The following PALB2 variants were observed in gnomAD, a reference collection of about 807,000 sequenced individuals.
The protein encoded by PALB2 is partner and localizer of BRCA2.
PALB2 carries 82 observed loss-of-function variants against 107.4 expected under a neutral mutation model. The ratio of observed to expected loss-of-function variants is 0.76; its 90% CI spans 0.64 to 0.92. PALB2 has a LOEUF of 0.92. Among genes scored for constraint, PALB2 ranks in the 40% least tolerant of loss-of-function variants. PALB2 has a pLI of 0.00. For missense variants in PALB2, 1,374 were observed against 1,379.9 expected (o/e 1.00, Z 0.07); for synonymous variants, 489 against 496.8 (o/e 0.98, Z 0.21).
At chr16:23,603,726 A>G in intron 12 of PALB2, 57 bp from the exon 13 acceptor site, 2 of 1,515,768 alleles carry the variant, frequency 1.3e-6, no homozygotes, top group Non-Finnish European at 1.8e-6. Context: ...ACAATTAAAA[A>G]AAAAAAAAAG....
At chr16:23,623,672 A>G (rs973873966) in intron 8 of PALB2, among the ~76,000 whole-genome samples, 1 of 150,904 alleles carries the variant, frequency 6.6e-6, no homozygotes, top group Non-Finnish European at 1.5e-5. Flanking sequence ...CGCAGGTGCT[A>G]TACACCAGGC....
intron 12 of PALB2, among the ~76,000 whole-genome samples, chr16:23,605,629 G>A (rs1001781514): frequency 1.3e-5 from 2 of 152,098 alleles, no homozygotes; most frequent in African/African-American, 4.8e-5. Flanking sequence ...GGCTGGTCGC[G>A]AACTCCTGAC....
intron 3 of PALB2, among the ~76,000 whole-genome samples, chr16:23,636,747 T>G (rs1468577811): frequency 6.6e-6 from 1 of 152,224 alleles, no homozygotes; most frequent in Non-Finnish European, 1.5e-5. Flanking sequence ...TCTCTTCTCT[T>G]AACTTCTAAA....
intron 10 of PALB2, among the ~76,000 whole-genome samples, chr16:23,618,802 T>C (rs1966725877): frequency 6.6e-6 from 1 of 152,084 alleles, no homozygotes; most frequent in African/African-American, 2.4e-5. Flanking sequence ...GCACAAAGAA[T>C]AGAAAAGACA....
At chr16:23,628,754 C>G (rs1355635396) in intron 6 of PALB2, among the ~76,000 whole-genome samples, 4 of 152,202 alleles carry the variant, frequency 2.6e-5, no homozygotes, top group Non-Finnish European at 5.9e-5. Context: ...TTCCCTCAGC[C>G]TCCCTAGCAG....
intron 6 of PALB2, among the ~76,000 whole-genome samples, chr16:23,627,225 C>T (rs1192361074): frequency 3.3e-5 from 5 of 151,902 alleles, no homozygotes; most frequent in South Asian, 2.1e-4. Flanking sequence ...CGGTGGCTCA[C>T]GCCTGTAATC....
chr16:23,606,714 G>A (rs959365132), intron 12 of PALB2, among the ~76,000 whole-genome samples: 5 of 151,786 alleles, frequency 3.3e-5, no homozygotes, highest in East Asian at 1.9e-4. Context: ...TAGTAGAGAC[G>A]GGGTTTCACC....
At chr16:23,622,656 G>C (rs183674852) in intron 9 of PALB2, among the ~76,000 whole-genome samples, 1 of 152,300 alleles carries the variant, frequency 6.6e-6, no homozygotes, top group Admixed American at 6.5e-5. Flanking sequence ...CTCCCAAAGG[G>C]CTGGGATTAT....
chr16:23,627,818 A>G (rs535063902), intron 6 of PALB2, among the ~76,000 whole-genome samples: 1 of 152,356 alleles, frequency 6.6e-6, no homozygotes, highest in South Asian at 2.1e-4. Context: ...AAATGGGAGA[A>G]TGGGGAAGAG....
intron 1 of PALB2, chr16:23,640,143 G>C (rs971085009): frequency 1.2e-5 from 2 of 167,546 alleles, no homozygotes; most frequent in East Asian, 1.2e-4. Context: ...TGCCCATCTC[G>C]GCCTCCCAAA....
At chr16:23,603,744 C>A in intron 12 of PALB2, 75 bp from the exon 13 acceptor site, 8 of 1,349,060 alleles carry the variant, frequency 5.9e-6, no homozygotes, top group Non-Finnish European at 8.2e-6. Flanking sequence ...AAGGTCAAAA[C>A]CATGTTCCCA....
intron 10 of PALB2, among the ~76,000 whole-genome samples, chr16:23,617,005 G>A (rs918155252): frequency 2.6e-5 from 4 of 151,930 alleles, no homozygotes; most frequent in Admixed American, 6.6e-5. Flanking sequence ...GTAGAGACGG[G>A]GTTTTACCGT....
intron 11 of PALB2, among the ~76,000 whole-genome samples, chr16:23,612,793 C>T (rs890704695): frequency 4.6e-5 from 7 of 151,802 alleles, no homozygotes; most frequent in Admixed American, 2.0e-4. Flanking sequence ...CGCTCTGTCG[C>T]CCAGGCTGGA....
chr16:23,626,663 C>A (rs1391335549), intron 6 of PALB2, among the ~76,000 whole-genome samples: 1 of 151,512 alleles, frequency 6.6e-6, no homozygotes, highest in Non-Finnish European at 1.5e-5. Context: ...ACTTTATCAC[C>A]CAGGCTGGAG....
intron 12 of PALB2, among the ~76,000 whole-genome samples, chr16:23,606,455 T>C (rs1171654070): frequency 2.0e-5 from 3 of 152,304 alleles, no homozygotes; most frequent in Middle Eastern, 3.4e-3. Context: ...TTTTAGAACA[T>C]GCACTTATCA....
intron 6 of PALB2, 55 bp downstream of exon 6, chr16:23,629,149 C>A (rs2142367106): frequency 7.4e-7 from 1 of 1,359,808 alleles, no homozygotes; most frequent in Non-Finnish European, 1.1e-6. Flanking sequence ...CTTTTCAGTT[C>A]ATTAAAGTTT....
Position 23,629,285 on chromosome 16 carries a change from CAA to C in PALB2, c.2515-12_2515-11del, listed in dbSNP as rs1966854164. On this transcript the variant is annotated splice_polypyrimidine_tract_variant and intron_variant, in intron 5 of 12. Transcript: ENST00000261584. ...GCTCTGCTGTTTCAGTCTGTGAAAA[CAA>C]AAGTCACATCATTAGTCTACACTTT... The C allele has an allele frequency of 2.5e-6, 4 of 1,610,464 alleles. No homozygotes were observed. Among genetic ancestry groups the C allele is most frequent in the South Asian group, 1.1e-5 (1 of 91,028 alleles).
Position 23,638,286 on chromosome 16 carries a change from C to T in PALB2, c.49-157G>A, listed in dbSNP as rs568155194. 5.9e-5 allele frequency among the ~76,000 whole-genome samples: 9 copies of T among 152,304 alleles called. No homozygotes were observed. The South Asian group carries it at 1.9e-3, about 32-fold the overall frequency. Reference sequence around the variant, plus strand: ...TTCTCAAAAAGCACCAAGCTCTGACCATTTCAGGATCTTTGCATAACCTGT... The same window carrying T: ...TTCTCAAAAAGCACCAAGCTCTGACTATTTCAGGATCTTTGCATAACCTGT... On this transcript the variant is annotated intron_variant, in intron 1 of 12. Coordinates refer to ENST00000261584, the MANE Select transcript of PALB2 (RefSeq NM_024675.4).
At chr16:23,619,712 C>T (rs1966740582) in intron 10 of PALB2, among the ~76,000 whole-genome samples, 1 of 152,068 alleles carries the variant, frequency 6.6e-6, no homozygotes, top group Non-Finnish European at 1.5e-5. Flanking sequence ...TTAACATTTA[C>T]TGAATACCTC....
Sources: gnomAD v4.1 joint callset for allele counts (sites outside exome capture counted in the v4.1 genomes callset) on GRCh38, gnomAD v4.1.1 for gene constraint, MANE v1.5 for transcripts, NCBI Gene and HGNC (gene_info 2026-07-23, HGNC 2026-07-21) for gene names.